CRACDL: variants seen among roughly 807,000 people sequenced by gnomAD.
CRACDL encodes CRACD like.
A neutral mutation model predicts 70.6 loss-of-function variants in CRACDL; 26 were observed. The observed-to-expected ratio is 0.37, with a 90% CI of 0.27 to 0.51. The LOEUF (loss-of-function observed/expected upper bound fraction) is 0.51. CRACDL is among the 20% of genes least tolerant of loss of function. The pLI, the probability that CRACDL is intolerant of heterozygous loss-of-function variation, is 0.94. For missense variants in CRACDL, 1,283 were observed against 1,376.9 expected (o/e 0.93, Z 1.08); for synonymous variants, 618 against 615.2 (o/e 1.00, Z -0.07).
chr2:98,850,878 A>G (rs1362125614), intron 1 of CRACDL, among the ~76,000 whole-genome samples: 1 of 152,238 alleles, frequency 6.6e-6, no homozygotes, highest in Non-Finnish European at 1.5e-5. Flanking sequence ...GAGTTCTATC[A>G]TTAGTCTCAG....
At chr2:98,842,790 T>G (rs1706087346) in intron 2 of CRACDL, among the ~76,000 whole-genome samples, 1 of 152,174 alleles carries the variant, frequency 6.6e-6, no homozygotes, top group South Asian at 2.1e-4. Context: ...ATATACCAGT[T>G]TGTTGAACCA....
intron 1 of CRACDL, among the ~76,000 whole-genome samples, chr2:98,924,132 T>C (rs990735550): frequency 6.6e-6 from 1 of 152,244 alleles, no homozygotes. Context: ...TTAATTATGC[T>C]GGCACATGGC....
chr2:98,881,291 C>A (rs1196763053), intron 1 of CRACDL, among the ~76,000 whole-genome samples: 5 of 152,188 alleles, frequency 3.3e-5, no homozygotes, highest in Admixed American at 6.5e-5. Context: ...GGCCTCAGCC[C>A]CACCTGGGAG....
chr2:98,894,706 G>C (rs909709075), intron 1 of CRACDL, among the ~76,000 whole-genome samples: 2 of 152,180 alleles, frequency 1.3e-5, no homozygotes, highest in African/African-American at 4.8e-5. Context: ...ATCATGTCCC[G>C]TGGTTTAACA....
rs1421271294 is a variant in CRACDL, at chr2:98,890,592, TC to T, written c.-10-43783del. 2.6e-5 allele frequency among the ~76,000 whole-genome samples: 4 copies of T among 152,232 alleles called. No homozygotes were observed. In the East Asian group the frequency reaches 5.8e-4, roughly 22 times the overall value. On this transcript the variant is annotated intron_variant, in intron 1 of 9. Coordinates refer to ENST00000397899, the MANE Select transcript of CRACDL (RefSeq NM_207362.3). ...TTTAAAGAATAGTACAAATTATGTA[TC>T]CCTTATCCAAAATGCTTGGGATCAG... is the stretch of plus-strand genomic sequence containing the variant.
chr2:98,876,526 G>C (rs1405641266), intron 1 of CRACDL, among the ~76,000 whole-genome samples: 2 of 152,176 alleles, frequency 1.3e-5, no homozygotes, highest in African/African-American at 4.8e-5. Context: ...CCATGTGAGG[G>C]ATCTGGGTTG....
intron 1 of CRACDL, among the ~76,000 whole-genome samples, chr2:98,873,474 A>C (rs1361867924): frequency 6.6e-6 from 1 of 152,230 alleles, no homozygotes; most frequent in Non-Finnish European, 1.5e-5. Context: ...CAGGGACCAC[A>C]GTGGCTGAGC....
chr2:98,826,286 C>T (rs1381426081), intron 6 of CRACDL, among the ~76,000 whole-genome samples: 1 of 152,216 alleles, frequency 6.6e-6, no homozygotes, highest in Non-Finnish European at 1.5e-5. Context: ...AGACAGTTGT[C>T]CACGCTAGTG....
At chr2:98,917,605 C>T (rs187430859) in intron 1 of CRACDL, among the ~76,000 whole-genome samples, 1 of 152,248 alleles carries the variant, frequency 6.6e-6, no homozygotes, top group Non-Finnish European at 1.5e-5. Context: ...GACTTTCTCA[C>T]ACTTACTGAC....
At chr2:98,924,275 C>T (rs1347992513) in intron 1 of CRACDL, among the ~76,000 whole-genome samples, 1 of 152,144 alleles carries the variant, frequency 6.6e-6, no homozygotes, top group Admixed American at 6.6e-5. Context: ...AGCTCGGGAT[C>T]CCAGCCCACC....
intron 3 of CRACDL, among the ~76,000 whole-genome samples, chr2:98,834,056 T>C (rs1705664181): frequency 6.6e-6 from 1 of 152,202 alleles, no homozygotes; most frequent in African/African-American, 2.4e-5. Flanking sequence ...GGGAGGGAAC[T>C]ACGCCAACTG....
At chr2:98,821,524 G>A (rs565856727) in intron 7 of CRACDL, among the ~76,000 whole-genome samples, 2 of 152,254 alleles carry the variant, frequency 1.3e-5, no homozygotes, top group East Asian at 3.9e-4. Flanking sequence ...GGCTTCCCTG[G>A]GCCACACTGG....
At chr2:98,797,210 G>A (rs534236644) in intron 8 of CRACDL, 140 bp downstream of exon 8, 3 of 782,432 alleles carry the variant, frequency 3.8e-6, no homozygotes, top group Non-Finnish European at 6.2e-6. Flanking sequence ...ATTGGCTCTC[G>A]ACCACACATC....
chr2:98,898,304 GC>G (rs1402348745), intron 1 of CRACDL, among the ~76,000 whole-genome samples: 1 of 152,242 alleles, frequency 6.6e-6, no homozygotes, highest in African/African-American at 2.4e-5. Context: ...CAATGTGGGG[GC>G]CTCAGAGAGG....
intron 1 of CRACDL, among the ~76,000 whole-genome samples, chr2:98,879,839 C>T (rs1476719714): frequency 7.9e-5 from 12 of 152,352 alleles, no homozygotes; most frequent in East Asian, 1.9e-4. Context: ...AGCCACTGTG[C>T]GCAGCCTCAG....
chr2:98,843,705 C>T (rs545930769), intron 2 of CRACDL, among the ~76,000 whole-genome samples: 17 of 152,142 alleles, frequency 1.1e-4, no homozygotes, highest in African/African-American at 2.4e-5. Context: ...GAACTCTACT[C>T]CCTTCTGTCT....
At chr2:98,868,805 C>T (rs1326518994) in intron 1 of CRACDL, among the ~76,000 whole-genome samples, 4 of 152,202 alleles carry the variant, frequency 2.6e-5, no homozygotes, top group African/African-American at 9.7e-5. Flanking sequence ...CCCTCCTCCC[C>T]TTTCCCTCTC....
intron 1 of CRACDL, among the ~76,000 whole-genome samples, chr2:98,911,835 A>G (rs1221918484): frequency 6.6e-6 from 1 of 152,028 alleles, no homozygotes; most frequent in Non-Finnish European, 1.5e-5. Flanking sequence ...CCCCAAACGT[A>G]CCAATCTCTG....
chr2:98,923,139 T>C (rs1319489561), intron 1 of CRACDL, among the ~76,000 whole-genome samples: 2 of 151,870 alleles, frequency 1.3e-5, no homozygotes, highest in Non-Finnish European at 2.9e-5. Flanking sequence ...GGTGTGGCAG[T>C]GTGCGCCTGT....
Sources: gnomAD v4.1 joint callset for allele counts (sites outside exome capture counted in the v4.1 genomes callset) on GRCh38, gnomAD v4.1.1 for gene constraint, MANE v1.5 for transcripts, NCBI Gene and HGNC (gene_info 2026-07-23, HGNC 2026-07-21) for gene names.